Variants in TANK observed in about 807,000 individuals in gnomAD.
TANK encodes the protein TRAF family member associated NFKB activator.
Under a neutral mutation model 43.6 loss-of-function variants are expected in TANK, and 15 were observed. The observed-to-expected ratio is 0.34, with a 90% confidence interval of 0.23 to 0.53. The LOEUF (loss-of-function observed/expected upper bound fraction) is 0.53, where lower values mean the gene tolerates loss of function less well. Among genes scored for constraint, TANK ranks in the 20% least tolerant of loss-of-function variants. The pLI is 0.94. For missense variants in TANK, 417 were observed against 498.6 expected, an observed-to-expected ratio of 0.84 and a Z score of 1.56; for synonymous variants, 162 against 178.2, an observed-to-expected ratio of 0.91 and a Z score of 0.73.
At chr2:161,171,775 C>T (rs959166561) in intron 1 of TANK, among the ~76,000 whole-genome samples, 1 of 152,142 alleles carries the variant, frequency 6.6e-6, no homozygotes, top group African/African-American at 2.4e-5. Context: ...GCAGCCAACT[C>T]GTTAACTCAT....
chr2:161,168,067 C>T (rs1684772185), intron 1 of TANK, among the ~76,000 whole-genome samples: 1 of 152,074 alleles, frequency 6.6e-6, no homozygotes, highest in South Asian at 2.1e-4. Context: ...TGGTATCTAA[C>T]GTATGGCATT....
intron 1 of TANK, chr2:161,161,638 T>C: frequency 1.5e-6 from 1 of 654,402 alleles, no homozygotes; most frequent in East Asian, 3.1e-5. Flanking sequence ...GATAATCTGT[T>C]TCAGATTAAA....
chr2:161,169,069 G>C (rs1684826594), intron 1 of TANK, among the ~76,000 whole-genome samples: 1 of 152,098 alleles, frequency 6.6e-6, no homozygotes, highest in Non-Finnish European at 1.5e-5. Flanking sequence ...CACCACGTGG[G>C]GATATAAAAC....
chr2:161,146,587 G>T (rs1683916774), intron 1 of TANK, among the ~76,000 whole-genome samples: 1 of 152,200 alleles, frequency 6.6e-6, no homozygotes, highest in Admixed American at 6.5e-5. Context: ...CTGTAGGACT[G>T]CTGAGGTTTG....
upstream of TANK, among the ~76,000 whole-genome samples, chr2:161,157,908 T>A (rs1192130515): frequency 6.6e-6 from 1 of 152,204 alleles, no homozygotes; most frequent in Non-Finnish European, 1.5e-5. Context: ...GGTCTCAAAC[T>A]CCTGACCTCA....
intron 2 of TANK, among the ~76,000 whole-genome samples, chr2:161,188,261 A>G (rs554678333): frequency 3.3e-5 from 5 of 152,270 alleles, no homozygotes; most frequent in African/African-American, 1.2e-4. Flanking sequence ...AGTGTTGACT[A>G]TTTGAAAAGA....
At chr2:161,177,180 CAG>C (rs1685206750) in intron 1 of TANK, among the ~76,000 whole-genome samples, 1 of 152,060 alleles carries the variant, frequency 6.6e-6, no homozygotes, top group Non-Finnish European at 1.5e-5. Context: ...TTTCATCTAT[CAG>C]AGGTAGCAGT....
intron 1 of TANK, among the ~76,000 whole-genome samples, chr2:161,147,433 C>A (rs903598672): frequency 0.048 from 3 of 62 alleles, no homozygotes; most frequent in East Asian, 0.33. Flanking sequence ...GCTTGGGAGG[C>A]TAGGCCTGGT....
intron 2 of TANK, among the ~76,000 whole-genome samples, 196 bp from the exon 3 acceptor site, chr2:161,203,291 T>C (rs962920879): frequency 1.3e-5 from 2 of 152,134 alleles, no homozygotes; most frequent in Non-Finnish European, 2.9e-5. Flanking sequence ...ACTTCTGCGG[T>C]GCTTTAAGTG....
At chr2:161,154,250 A>T (rs751933102) in intron 1 of TANK, among the ~76,000 whole-genome samples, 3 of 152,184 alleles carry the variant, frequency 2.0e-5, no homozygotes, top group Non-Finnish European at 4.4e-5. Context: ...ATATGAGGAA[A>T]ACATGTTCTA....
chr2:161,161,456 TCC>T, intron 1 of TANK: 3 of 1,548,418 alleles, frequency 1.9e-6, no homozygotes, highest in Non-Finnish European at 2.6e-6. Context: ...AATTATTGTG[TCC>T]TCATTTGAGA....
At chr2:161,204,470 A>G (rs768231701) in intron 3 of TANK, among the ~76,000 whole-genome samples, 34 of 152,182 alleles carry the variant, frequency 2.2e-4, no homozygotes, top group Non-Finnish European at 4.1e-4. Flanking sequence ...TTTGGAGAGC[A>G]GGGGTTTTGT....
intron 4 of TANK, among the ~76,000 whole-genome samples, chr2:161,215,245 A>G (rs1209413765): frequency 6.6e-6 from 1 of 152,116 alleles, no homozygotes; most frequent in African/African-American, 2.4e-5. Context: ...AAAAAATCAT[A>G]TTGCCTTTTT....
chr2:161,193,366 A>T (rs981856742), intron 2 of TANK, among the ~76,000 whole-genome samples: 1 of 152,180 alleles, frequency 6.6e-6, no homozygotes, highest in Non-Finnish European at 1.5e-5. Context: ...TGAATTGGTT[A>T]TTATATAGGA....
chr2:161,231,010 CAG>C lies in TANK; in HGVS notation c.562_563del (p.Asp188Ter). On this transcript the variant is annotated frameshift_variant, in exon 7 of 8. Transcript: ENST00000392749. LOFTEE classifies it high-confidence loss of function. ...GTGCCTATACAGTGTACGGATAAAA[CAG>C]ATAAACAAGAAGCGCTGTTTAAGCC... 6.2e-7 allele frequency: 1 copy of C among 1,614,090 alleles called. No homozygotes were observed. The highest frequency in any genetic ancestry group is 8.5e-7 in the Non-Finnish European group (1 of 1,180,010).
chr2:161,219,328 A>ATT (rs1402489663), intron 4 of TANK, among the ~76,000 whole-genome samples: 5 of 152,128 alleles, frequency 3.3e-5, no homozygotes, highest in East Asian at 3.9e-4. Context: ...AGGGTGTTTA[A>ATT]TTTTATTTTT....
Position 161,232,827 on chromosome 2 carries a change from G to A in TANK, c.1101+1276G>A, listed in dbSNP as rs908567542. On this transcript the variant is annotated intron_variant, in intron 7 of 7. Coordinates refer to ENST00000392749, the MANE Select transcript of TANK (RefSeq NM_001199135.3). Reference sequence around the variant, plus strand: ...AACAGCTGGTATGTGATTACAACTTGATGGAAAAGTATTCAGCTTAAAAAA... The same window carrying A: ...AACAGCTGGTATGTGATTACAACTTAATGGAAAAGTATTCAGCTTAAAAAA... 23 of 1,550,354 alleles carry A rather than the reference G, an allele frequency of 1.5e-5. No homozygotes were observed. In the African/African-American group the frequency reaches 2.9e-4, roughly 19 times the overall value.
intron 4 of TANK, chr2:161,219,977 T>A: frequency 4.6e-6 from 1 of 217,692 alleles, no homozygotes; most frequent in South Asian, 5.5e-5. Context: ...CCATCCCACC[T>A]TGGCTTACTT....
chr2:161,150,589 C>CTGT (rs1684045656), intron 1 of TANK, among the ~76,000 whole-genome samples: 1 of 121,472 alleles, frequency 8.2e-6, no homozygotes, highest in African/African-American at 3.3e-5. Flanking sequence ...TCTTCTTCTT[C>CTGT]TTTTTTTTTT....
Sources: allele counts gnomAD v4.1 joint callset (sites outside exome capture counted in the v4.1 genomes callset), GRCh38; gene constraint gnomAD v4.1.1; transcripts MANE v1.5; gene names NCBI Gene and HGNC (gene_info 2026-07-23, HGNC 2026-07-21).